Variants in ZNF469 observed in about 807,000 individuals in gnomAD.
The protein encoded by ZNF469 is zinc finger protein 469.
ZNF469 carries 1 observed loss-of-function variant against 1.0 expected under a neutral mutation model. The observed-to-expected ratio is 1.00, with a 90% CI of 0.35 to 4.73. The LOEUF is 4.73. Ranked by LOEUF, ZNF469 falls within the 30% of genes most tolerant of loss-of-function variation. The pLI is 0.16. For missense variants in ZNF469, 6,100 were observed against 5,356.3 expected (o/e 1.14, Z -4.33); for synonymous variants, 2,703 against 2,363.4 (o/e 1.14, Z -4.17).
At chr16:88,422,322 GTGAT>G (rs1362465378) in intron 1 of ZNF469, among the ~76,000 whole-genome samples, 1 of 147,006 alleles carries the variant, frequency 6.8e-6, no homozygotes, top group African/African-American at 2.5e-5. Flanking sequence ...AGATGGGTGA[GTGAT>G]GGATGGATGG....
chr16:88,287,832 T>C, the ZNF469 span, among the ~76,000 whole-genome samples: 2 of 152,204 alleles, frequency 1.3e-5, no homozygotes, highest in Non-Finnish European at 2.9e-5. Context: ...GCTGACTTCA[T>C]GGTGATCACG....
Position 88,433,260 on chromosome 16 carries a change from G to C in ZNF469, c.5790G>C (p.Gln1930His). The C allele has an allele frequency of 6.5e-7, 1 of 1,550,344 alleles. No homozygotes were observed. The highest frequency in any genetic ancestry group is 8.7e-7 in the Non-Finnish European group (1 of 1,146,954). The change falls in exon 3 of 3, where the codon CAG (glutamine) becomes CAC (histidine). Residue 1930 changes from glutamine to histidine, a missense_variant. Physicochemically the swap from Gln to His is conservative, Grantham distance 24. Coordinates refer to ENST00000565624, the MANE Select transcript of ZNF469 (RefSeq NM_001367624.2). The part of the protein sequence containing the change: ...LGLQELTPAA[Q>H]SPPRVNPSGL... ...TGCAGGAGCTGACACCTGCTGCCCA[G>C]AGCCCTCCACGAGTGAACCCCTCAG...
the ZNF469 span, among the ~76,000 whole-genome samples, chr16:88,106,816 C>T: frequency 1.3e-5 from 2 of 152,370 alleles, no homozygotes; most frequent in Admixed American, 6.5e-5. Flanking sequence ...GCCGCACAGG[C>T]CAGGAGGTGA....
At chr16:88,378,911 C>T (rs1381078280), upstream of ZNF469, among the ~76,000 whole-genome samples, 1 of 152,242 alleles carries the variant, frequency 6.6e-6, no homozygotes, top group Non-Finnish European at 1.5e-5. Flanking sequence ...CTCTCGAGAG[C>T]CCATCTGGGG....
chr16:88,415,130 G>A (rs1455086004), intron 1 of ZNF469, among the ~76,000 whole-genome samples: 1 of 152,242 alleles, frequency 6.6e-6, no homozygotes, highest in African/African-American at 2.4e-5. Flanking sequence ...GAGCAATGGG[G>A]AGGAACAGAA....
chr16:88,409,072 G>A (rs868500639), intron 1 of ZNF469, among the ~76,000 whole-genome samples: 2 of 152,202 alleles, frequency 1.3e-5, no homozygotes, highest in African/African-American at 4.8e-5. Context: ...GGCCTGCAAG[G>A]AAGCTTCTCT....
chr16:88,164,036 G>GATGA, the ZNF469 span, among the ~76,000 whole-genome samples: 1 of 151,766 alleles, frequency 6.6e-6, no homozygotes, highest in South Asian at 2.1e-4. Context: ...TGGATGGATG[G>GATGA]ATGAATGGAT....
At chr16:88,109,432 C>G in the ZNF469 span, among the ~76,000 whole-genome samples, 1 of 152,280 alleles carries the variant, frequency 6.6e-6, no homozygotes, top group Non-Finnish European at 1.5e-5. Flanking sequence ...CCGGCAGCCT[C>G]CGATGTCACG....
At chr16:88,397,669 GATA>G (rs1310126129) in intron 1 of ZNF469, among the ~76,000 whole-genome samples, 2 of 149,668 alleles carry the variant, frequency 1.3e-5, no homozygotes, top group African/African-American at 5.0e-5. Flanking sequence ...TAGATAGATA[GATA>G]GATAGATAGA....
At chr16:88,111,860 C>T in the ZNF469 span, among the ~76,000 whole-genome samples, 3 of 152,342 alleles carry the variant, frequency 2.0e-5, no homozygotes, top group East Asian at 3.9e-4. Context: ...TGGTCTCGAT[C>T]TACTGACCTT....
At chr16:88,305,396 A>G in the ZNF469 span, among the ~76,000 whole-genome samples, 2 of 148,678 alleles carry the variant, frequency 1.3e-5, no homozygotes, top group African/African-American at 2.5e-5. Context: ...TCACATGTGC[A>G]CACACACGCT....
chr16:88,276,060 C>T, the ZNF469 span, among the ~76,000 whole-genome samples: 4 of 152,218 alleles, frequency 2.6e-5, no homozygotes, highest in East Asian at 7.7e-4. Flanking sequence ...CTCCAACAGG[C>T]TCCACATGGG....
the ZNF469 span, among the ~76,000 whole-genome samples, chr16:88,203,136 G>C: frequency 6.6e-6 from 1 of 152,136 alleles, no homozygotes; most frequent in Non-Finnish European, 1.5e-5. Context: ...AGCTCGGAGT[G>C]GGAAGGGCAG....
At chr16:88,320,939 C>G in the ZNF469 span, among the ~76,000 whole-genome samples, 72 of 152,228 alleles carry the variant, frequency 4.7e-4, no homozygotes, top group African/African-American at 1.6e-3. Flanking sequence ...GATGCAGTGT[C>G]CAGTGCTCGG....
At chr16:88,344,943 GC>G in the ZNF469 span, among the ~76,000 whole-genome samples, 1 of 152,216 alleles carries the variant, frequency 6.6e-6, no homozygotes, top group Admixed American at 6.5e-5. Flanking sequence ...CAAGCGTGTG[GC>G]CCCGACATCC....
chr16:88,381,399 C>T (rs1321483101), upstream of ZNF469, among the ~76,000 whole-genome samples: 1 of 151,524 alleles, frequency 6.6e-6, no homozygotes, highest in African/African-American at 2.4e-5. Flanking sequence ...CACACACACG[C>T]ACTCACACAC....
the ZNF469 span, among the ~76,000 whole-genome samples, chr16:88,300,788 G>C: frequency 6.6e-6 from 1 of 152,138 alleles, no homozygotes; most frequent in South Asian, 2.1e-4. Context: ...TTAGAGGCCG[G>C]GTGCGGTGGC....
intron 1 of ZNF469, among the ~76,000 whole-genome samples, chr16:88,418,916 C>T (rs528266545): frequency 1.3e-4 from 20 of 152,382 alleles, no homozygotes; most frequent in Admixed American, 9.8e-4. Context: ...CAGCCCCGTA[C>T]GGCGAGGACT....
Position 88,429,151 on chromosome 16 carries a change from C to A in ZNF469, c.1681C>A (p.Leu561Met). The part of the protein sequence containing the change: ...NGMTDPGAQP[L>M]FFGVAQPQVS... Reference sequence around the variant, plus strand: ...AATGACAGACCCTGGGGCTCAGCCCCTGTTCTTCGGGGTGGCCCAGCCCCA... The same window carrying A: ...AATGACAGACCCTGGGGCTCAGCCCATGTTCTTCGGGGTGGCCCAGCCCCA... Residue 561 changes from leucine to methionine, a missense_variant, in exon 3 of 3, where the codon CTG (leucine) becomes ATG (methionine). Physicochemically the swap from Leu to Met is conservative, Grantham distance 15. Coordinates refer to ENST00000565624, the MANE Select transcript of ZNF469 (RefSeq NM_001367624.2). 1 of 1,549,986 alleles carries A rather than the reference C, an allele frequency of 6.5e-7. No individual in the cohort carries two copies. The highest frequency in any genetic ancestry group is 8.7e-7 in the Non-Finnish European group (1 of 1,146,874).
Sources: allele counts gnomAD v4.1 joint callset (sites outside exome capture counted in the v4.1 genomes callset), GRCh38; gene constraint gnomAD v4.1.1; transcripts MANE v1.5; gene names NCBI Gene and HGNC (gene_info 2026-07-23, HGNC 2026-07-21).